Variants in DIAPH2 observed in about 807,000 individuals in gnomAD.
DIAPH2 encodes protein diaphanous homolog 2.
Under a neutral mutation model 92.7 loss-of-function variants are expected in DIAPH2, and 35 were observed. The observed-to-expected ratio is 0.38, with a 90% CI of 0.29 to 0.50. The LOEUF (loss-of-function observed/expected upper bound fraction) is 0.50. Among genes scored for constraint, DIAPH2 ranks in the 20% least tolerant of loss-of-function variants. The probability of loss-of-function intolerance (pLI) is 0.94; values close to 1 mark genes in which losing one functional copy is unlikely to be tolerated. For synonymous variants in DIAPH2, 301 were observed against 280.4 expected (o/e 1.07, Z -0.73); for missense variants, 701 against 819.5 (o/e 0.86, Z 1.77).
At chrX:97,559,982 A>T (rs148422003) in intron 26 of DIAPH2, among the ~76,000 whole-genome samples, 3,659 of 111,791 alleles carry the variant, frequency 0.033, 62 homozygotes, top group Admixed American at 0.046. Flanking sequence ...ATTGCTGTTA[A>T]GAAGGGTTGG....
chrX:97,239,974 A>G (rs1226906280), intron 22 of DIAPH2, among the ~76,000 whole-genome samples: 2 of 110,791 alleles, frequency 1.8e-5, no homozygotes, highest in African/African-American at 6.6e-5. Flanking sequence ...TAATCATAAT[A>G]TTAATTGATT....
At chrX:97,123,976 G>C (rs1158991512) in intron 21 of DIAPH2, among the ~76,000 whole-genome samples, 2 of 112,025 alleles carry the variant, frequency 1.8e-5, no homozygotes, top group Non-Finnish European at 3.8e-5. Flanking sequence ...ATGTGTCTCT[G>C]TCTTATGAGG....
At chrX:96,736,316 T>C (rs2064087279) in intron 2 of DIAPH2, among the ~76,000 whole-genome samples, 1 of 111,559 alleles carries the variant, frequency 9.0e-6, no homozygotes, top group Non-Finnish European at 1.9e-5. Context: ...AGTTTTTTTT[T>C]TCCTATGTGA....
At chrX:96,758,315 T>C (rs2079203140) in intron 4 of DIAPH2, 57 bp downstream of exon 4, 1 of 1,055,024 alleles carries the variant, frequency 9.5e-7, no homozygotes, top group South Asian at 2.2e-5. Flanking sequence ...TAGCATCATT[T>C]TGCTTAAAAA....
intron 22 of DIAPH2, among the ~76,000 whole-genome samples, chrX:97,168,891 G>T (rs958366454): frequency 8.9e-6 from 1 of 111,894 alleles, no homozygotes; most frequent in African/African-American, 3.2e-5. Flanking sequence ...TAAAAGGCTT[G>T]CATCAGGTGG....
At chrX:97,267,564 A>G (rs751283544) in intron 23 of DIAPH2, among the ~76,000 whole-genome samples, 1 of 111,524 alleles carries the variant, frequency 9.0e-6, no homozygotes, top group African/African-American at 3.3e-5. Context: ...TTGCAATGCT[A>G]ACAAGTAGGA....
intron 17 of DIAPH2, among the ~76,000 whole-genome samples, chrX:97,018,482 T>C (rs771665976): frequency 8.9e-6 from 1 of 112,372 alleles, no homozygotes; most frequent in South Asian, 3.7e-4. Context: ...ATACCACATA[T>C]ACTTTTGCTT....
At chrX:97,408,093 G>A (rs1271308828) in intron 25 of DIAPH2, among the ~76,000 whole-genome samples, 3 of 111,698 alleles carry the variant, frequency 2.7e-5, no homozygotes, top group Admixed American at 9.5e-5. Flanking sequence ...TTTCTTACAA[G>A]TGATCAACTC....
intron 22 of DIAPH2, among the ~76,000 whole-genome samples, chrX:97,150,014 T>C (rs1216376543): frequency 9.0e-6 from 1 of 110,751 alleles, no homozygotes; most frequent in Non-Finnish European, 1.9e-5. Context: ...TTTTTTTTAT[T>C]ATTATTTTTA....
chrX:97,476,070 A>G (rs887488719), intron 26 of DIAPH2, among the ~76,000 whole-genome samples: 1 of 112,236 alleles, frequency 8.9e-6, no homozygotes, highest in African/African-American at 3.2e-5. Flanking sequence ...CAAATTTCCT[A>G]TCATCTGAGT....
intron 5 of DIAPH2, among the ~76,000 whole-genome samples, chrX:96,897,097 C>T (rs1335926605): frequency 1.8e-5 from 2 of 111,406 alleles, no homozygotes; most frequent in Non-Finnish European, 1.9e-5. Context: ...AGAGATTCAT[C>T]GTACATCATG....
intron 26 of DIAPH2, among the ~76,000 whole-genome samples, chrX:97,514,664 A>ATGG (rs1378294324): frequency 9.2e-6 from 1 of 109,129 alleles, no homozygotes; most frequent in Non-Finnish European, 1.9e-5. Flanking sequence ...GTCTTTGATG[A>ATGG]TGGTGATGTA....
intron 25 of DIAPH2, among the ~76,000 whole-genome samples, chrX:97,427,531 A>G (rs1398196943): frequency 8.9e-6 from 1 of 111,995 alleles, no homozygotes; most frequent in Non-Finnish European, 1.9e-5. Context: ...TGTCAACTGC[A>G]TATAATTTAA....
chrX:96,995,928 T>C (rs1273263125), intron 17 of DIAPH2, among the ~76,000 whole-genome samples: 1 of 110,661 alleles, frequency 9.0e-6, no homozygotes, highest in Admixed American at 9.6e-5. Flanking sequence ...GATAGTCCTA[T>C]TTAAATAACT....
At chrX:97,395,044 A>G (rs180962442) in intron 25 of DIAPH2, among the ~76,000 whole-genome samples, 95 of 112,005 alleles carry the variant, frequency 8.5e-4, no homozygotes, top group African/African-American at 3.0e-3. Context: ...AGTAAATGAG[A>G]GGATACATGT....
chrX:96,744,592 A>G (rs935198618), intron 3 of DIAPH2, among the ~76,000 whole-genome samples: 72 of 112,010 alleles, frequency 6.4e-4, no homozygotes, highest in African/African-American at 2.3e-3. Context: ...ATTATTTCCT[A>G]CTGATAATGG....
intron 4 of DIAPH2, among the ~76,000 whole-genome samples, chrX:96,843,236 C>T (rs929382272): frequency 4.5e-5 from 5 of 111,665 alleles, no homozygotes; most frequent in East Asian, 2.8e-4. Context: ...GCTCCTGGTT[C>T]GCCTTCCACC....
At chrX:97,496,789 C>T (rs1305051613) in intron 26 of DIAPH2, among the ~76,000 whole-genome samples, 2 of 109,349 alleles carry the variant, frequency 1.8e-5, no homozygotes, top group South Asian at 4.0e-4. Flanking sequence ...CCGCCCACAT[C>T]GGCCTCCCAA....
chrX:96,892,217 A>G (rs975688564), intron 5 of DIAPH2, among the ~76,000 whole-genome samples: 1 of 111,966 alleles, frequency 8.9e-6, no homozygotes, highest in African/African-American at 3.2e-5. Flanking sequence ...TTTGCAGGGG[A>G]CTAACTATGA....
Sources: gnomAD v4.1 joint callset for allele counts (sites outside exome capture counted in the v4.1 genomes callset) on GRCh38, gnomAD v4.1.1 for gene constraint, MANE v1.5 for transcripts, NCBI Gene and HGNC (gene_info 2026-07-23, HGNC 2026-07-21) for gene names.